EFNA5: variants seen among roughly 807,000 people sequenced by gnomAD.
EFNA5 encodes ephrin A5.
A neutral mutation model predicts 22.9 loss-of-function variants in EFNA5; 5 were observed. That is an observed-to-expected ratio of 0.22 (90% CI 0.11 to 0.46). The LOEUF (loss-of-function observed/expected upper bound fraction) is 0.46. Ranked by LOEUF, EFNA5 falls within the 20% of genes least tolerant of loss-of-function variation. The pLI, the probability that EFNA5 is intolerant of heterozygous loss-of-function variation, is 0.99. For missense variants in EFNA5, 237 were observed against 293.3 expected (o/e 0.81, Z 1.40); for synonymous variants, 113 against 112.2 (o/e 1.01, Z -0.04).
chr5:107,605,668 C>T (rs1489970110), intron 1 of EFNA5, among the ~76,000 whole-genome samples: 1 of 150,646 alleles, frequency 6.6e-6, no homozygotes, highest in Non-Finnish European at 1.5e-5. Flanking sequence ...AAAAGTGGTT[C>T]GTTGATCCAT....
chr5:107,565,306 T>A (rs975977049), intron 1 of EFNA5, among the ~76,000 whole-genome samples: 1 of 152,248 alleles, frequency 6.6e-6, no homozygotes, highest in Non-Finnish European at 1.5e-5. Context: ...CGCATAGCTA[T>A]GCTATGTGAC....
intron 4 of EFNA5, among the ~76,000 whole-genome samples, chr5:107,385,808 T>C (rs1390902675): frequency 6.6e-6 from 1 of 152,110 alleles, no homozygotes; most frequent in Non-Finnish European, 1.5e-5. Flanking sequence ...CAGGACACAA[T>C]TAAAATGCCT....
intron 1 of EFNA5, among the ~76,000 whole-genome samples, chr5:107,617,564 A>G (rs111227616): frequency 1.3e-5 from 2 of 152,200 alleles, no homozygotes; most frequent in South Asian, 2.1e-4. Context: ...TGAAGCGGGA[A>G]AGTAAGTAAA....
chr5:107,670,468 C>T (rs1044349270), intron 1 of EFNA5, 21 bp downstream of exon 1: 18 of 1,550,676 alleles, frequency 1.2e-5, no homozygotes, highest in Admixed American at 5.8e-5. Context: ...AGCCCTGGCT[C>T]TCCGCCTGTT....
At chr5:107,624,455 A>C (rs1007217487) in intron 1 of EFNA5, among the ~76,000 whole-genome samples, 2 of 152,202 alleles carry the variant, frequency 1.3e-5, no homozygotes, top group African/African-American at 4.8e-5. Context: ...ACTATAAAGT[A>C]GATCACTTAT....
chr5:107,384,492 G>A (rs1407214547), intron 4 of EFNA5, among the ~76,000 whole-genome samples: 1 of 152,124 alleles, frequency 6.6e-6, no homozygotes, highest in Non-Finnish European at 1.5e-5. Context: ...ATCATGCAGT[G>A]GAATCCTTTC....
At chr5:107,436,250 T>C (rs1026469075) in intron 1 of EFNA5, among the ~76,000 whole-genome samples, 1 of 152,210 alleles carries the variant, frequency 6.6e-6, no homozygotes, top group Admixed American at 6.5e-5. Flanking sequence ...ATTAGCTTGA[T>C]GGAGGAGTTT....
chr5:107,605,984 C>A (rs1235073311), intron 1 of EFNA5, among the ~76,000 whole-genome samples: 1 of 152,186 alleles, frequency 6.6e-6, no homozygotes, highest in Non-Finnish European at 1.5e-5. Context: ...ACTCAGGTCA[C>A]TTCAAGGTGA....
At chr5:107,590,178 A>C (rs1749287616) in intron 1 of EFNA5, among the ~76,000 whole-genome samples, 1 of 152,174 alleles carries the variant, frequency 6.6e-6, no homozygotes, top group Non-Finnish European at 1.5e-5. Flanking sequence ...GAAATGGCTA[A>C]AGAAGGCTTT....
chr5:107,424,649 G>A (rs1580442752), intron 2 of EFNA5, among the ~76,000 whole-genome samples: 1 of 152,256 alleles, frequency 6.6e-6, no homozygotes, highest in East Asian at 1.9e-4. Context: ...ATCAGCAATA[G>A]AGCATCTTGT....
intron 2 of EFNA5, 59 bp from the exon 3 acceptor site, chr5:107,387,830 T>A: frequency 1.7e-6 from 2 of 1,169,684 alleles, no homozygotes; most frequent in South Asian, 1.3e-5. Flanking sequence ...CATATTACTC[T>A]TCATTTTCAC....
intron 2 of EFNA5, among the ~76,000 whole-genome samples, chr5:107,397,422 G>A (rs575456283): frequency 2.2e-4 from 33 of 151,972 alleles, no homozygotes; most frequent in Non-Finnish European, 4.4e-4. Flanking sequence ...GGTGGCAGGC[G>A]CCTGTAATCC....
At chr5:107,655,699 A>G (rs1750805764) in intron 1 of EFNA5, among the ~76,000 whole-genome samples, 2 of 152,170 alleles carry the variant, frequency 1.3e-5, no homozygotes, top group Admixed American at 1.3e-4. Flanking sequence ...CATATTTGCT[A>G]TCCATCTAAA....
At chr5:107,498,777 G>A (rs1747055623) in intron 1 of EFNA5, among the ~76,000 whole-genome samples, 1 of 152,054 alleles carries the variant, frequency 6.6e-6, no homozygotes, top group Non-Finnish European at 1.5e-5. Context: ...ATGCTTAGAG[G>A]GACTATTCCT....
At chr5:107,556,500 C>T (rs1031999636) in intron 1 of EFNA5, among the ~76,000 whole-genome samples, 1 of 152,108 alleles carries the variant, frequency 6.6e-6, no homozygotes, top group Admixed American at 6.5e-5. Context: ...GATCCCAGCA[C>T]TTTGGGAGGT....
intron 1 of EFNA5, among the ~76,000 whole-genome samples, chr5:107,663,689 T>TA (rs1234374689): frequency 6.6e-6 from 1 of 152,140 alleles, no homozygotes; most frequent in African/African-American, 2.4e-5. Context: ...ACTTTACTGT[T>TA]AGACGATCTC....
intron 1 of EFNA5, among the ~76,000 whole-genome samples, chr5:107,638,763 G>C (rs1288436159): frequency 1.3e-5 from 2 of 152,218 alleles, no homozygotes; most frequent in East Asian, 3.9e-4. Context: ...CGGATACCGA[G>C]GGATGAATGT....
chr5:107,398,952 G>T (rs985900710), intron 2 of EFNA5, among the ~76,000 whole-genome samples: 1 of 151,922 alleles, frequency 6.6e-6, no homozygotes, highest in African/African-American at 2.4e-5. Context: ...TGAAGAGAGG[G>T]GTAGTGGTAA....
chr5:107,459,376 G>GAAA (rs199577115), intron 1 of EFNA5, among the ~76,000 whole-genome samples: 134 of 110,164 alleles, frequency 1.2e-3, no homozygotes, highest in South Asian at 7.2e-3. Context: ...TGGAACACAT[G>GAAA]AAAAAAAAAA....
Sources: gnomAD v4.1 joint callset for allele counts (sites outside exome capture counted in the v4.1 genomes callset) on GRCh38, gnomAD v4.1.1 for gene constraint, MANE v1.5 for transcripts, NCBI Gene and HGNC (gene_info 2026-07-23, HGNC 2026-07-21) for gene names.